CCDC126: variants seen among roughly 807,000 people sequenced by gnomAD.
CCDC126 encodes the protein coiled-coil domain-containing protein 126.
A neutral mutation model predicts 11.7 loss-of-function variants in CCDC126; 5 were observed. The observed-to-expected ratio is 0.43, with a 90% CI of 0.22 to 0.90. The LOEUF is 0.90. Ranked by LOEUF, CCDC126 falls within the 40% of genes least tolerant of loss-of-function variation. CCDC126 has a pLI of 0.27. For synonymous variants in CCDC126, 60 were observed against 61.9 expected (o/e 0.97, Z 0.14); for missense variants, 150 against 163.1 (o/e 0.92, Z 0.44).
intron 3 of CCDC126, among the ~76,000 whole-genome samples, chr7:23,634,963 T>C (rs568155270): frequency 1.3e-5 from 2 of 152,234 alleles, no homozygotes; most frequent in African/African-American, 4.8e-5. Flanking sequence ...AGAATCTTTT[T>C]ATACCCAATA....
At chr7:23,639,242 A>ATC (rs1230480216) in intron 3 of CCDC126, among the ~76,000 whole-genome samples, 5 of 142,714 alleles carry the variant, frequency 3.5e-5, no homozygotes, top group African/African-American at 1.3e-4. Flanking sequence ...CCCAGGCTGG[A>ATC]GTGCAGTGGC....
At chr7:23,604,684 A>T (rs991804168) in intron 2 of CCDC126, among the ~76,000 whole-genome samples, 6 of 152,154 alleles carry the variant, frequency 3.9e-5, no homozygotes, top group African/African-American at 1.2e-4. Flanking sequence ...GGTTTTAAAG[A>T]TATACTATAA....
chr7:23,617,439 G>A (rs962284860), intron 3 of CCDC126, among the ~76,000 whole-genome samples: 11 of 150,592 alleles, frequency 7.3e-5, no homozygotes, highest in African/African-American at 2.7e-4. Context: ...CTTTTCTGAA[G>A]CGTTTTTATG....
At chr7:23,606,812 C>T (rs911757946) in intron 2 of CCDC126, among the ~76,000 whole-genome samples, 4 of 152,078 alleles carry the variant, frequency 2.6e-5, no homozygotes, top group Admixed American at 2.6e-4. Flanking sequence ...CAGTGGCTCA[C>T]ACCTGCCATC....
In CCDC126 at chr7:23,614,673, T is replaced by C. The variant is rs187183839; in HGVS notation, c.238+3120T>C. ...AAAGTCCAAATGACTCCTTTATCGA[T>C]GGGCAGGAGAATGGATGTTGTGTTA... On this transcript the variant is annotated intron_variant, in intron 3 of 3. Coordinates refer to ENST00000307471, the MANE Select transcript of CCDC126 (RefSeq NM_138771.4). Among the ~76,000 whole-genome samples, 517 of 152,290 alleles carry C rather than the reference T, an allele frequency of 3.4e-3. 6 individuals are homozygous for C. Among genetic ancestry groups the C allele is most frequent in the African/African-American group, 0.012 (484 of 41,564 alleles).
chr7:23,642,900 A>T, intron 3 of CCDC126, 31 bp from the exon 4 acceptor site: 12 of 1,584,232 alleles, frequency 7.6e-6, no homozygotes, highest in Non-Finnish European at 1.0e-5. Flanking sequence ...AGCTCTATTA[A>T]TGTTAATTTT....
rs566468602 is a variant in CCDC126, at chr7:23,616,655, T to C, written c.238+5102T>C. On this transcript the variant is annotated intron_variant, in intron 3 of 3. Coordinates refer to ENST00000307471, the MANE Select transcript of CCDC126 (RefSeq NM_138771.4). The stretch of plus-strand genomic sequence containing the variant: ...ATCCCCCTAGGTTCCAGTGTTCTTT[T>C]TGAGAAGCTGATGCTCTTCTTTATC... 3.3e-5 allele frequency among the ~76,000 whole-genome samples: 5 copies of C among 152,316 alleles called. No individual in the cohort carries two copies. In the South Asian group the frequency reaches 1.0e-3, roughly 32 times the overall value.
intron 2 of CCDC126, among the ~76,000 whole-genome samples, chr7:23,599,598 A>G (rs1488027474): frequency 1.3e-5 from 2 of 151,848 alleles, no homozygotes; most frequent in African/African-American, 2.4e-5. Flanking sequence ...TTTGGGTTCA[A>G]GCAATTCTTG....
In CCDC126 at chr7:23,631,581, T is replaced by C. The variant is rs531736031; in HGVS notation, c.239-11350T>C. On this transcript the variant is annotated intron_variant, in intron 3 of 3. Transcript: ENST00000307471. ...TTCAAGACCAGCCTTACCAACATGCTGAAACCCTGTCTCTACTAAAAACAA... is the reference window on the plus strand; with the variant it reads ...TTCAAGACCAGCCTTACCAACATGCCGAAACCCTGTCTCTACTAAAAACAA... Among the ~76,000 whole-genome samples, 3 of 152,072 alleles carry C rather than the reference T, an allele frequency of 2.0e-5. No individual in the cohort carries two copies. The South Asian group carries it at 6.2e-4, about 32-fold the overall frequency.
chr7:23,600,303 T>C (rs2128013329), intron 2 of CCDC126, among the ~76,000 whole-genome samples: 1 of 151,830 alleles, frequency 6.6e-6, no homozygotes, highest in African/African-American at 2.4e-5. Context: ...AATTTTAGTG[T>C]AGCTTCTCTC....
chr7:23,636,332 A>C (rs1283337073), intron 3 of CCDC126, among the ~76,000 whole-genome samples: 2 of 148,102 alleles, frequency 1.4e-5, no homozygotes, highest in African/African-American at 2.5e-5. Flanking sequence ...ATCGTCTGGG[A>C]TATGAGGAGC....
chr7:23,639,863 TAAC>T (rs1783322452), intron 3 of CCDC126, among the ~76,000 whole-genome samples: 1 of 152,166 alleles, frequency 6.6e-6, no homozygotes, highest in Non-Finnish European at 1.5e-5. Context: ...AAAATATCGA[TAAC>T]AACATTTGCC....
chr7:23,642,808 A>G (rs374844620), intron 3 of CCDC126, 123 bp from the exon 4 acceptor site: 21 of 726,088 alleles, frequency 2.9e-5, no homozygotes, highest in East Asian at 2.7e-4. Context: ...GTATGAGTGC[A>G]TTCTCTCTAG....
Position 23,643,275 on chromosome 7 carries a change from TA to T in CCDC126, c.*165del, listed in dbSNP as rs1783398659. 1.6e-6 allele frequency: 1 copy of T among 620,832 alleles called. No homozygotes were observed. Among genetic ancestry groups the T allele is most frequent in the Admixed American group, 3.5e-5 (1 of 28,568 alleles). 38.5% of individuals were successfully genotyped at this position (620,832 alleles called of 1,614,324 possible). ...ATTCATGGAACTCTAATTCTGTACATAAAAATTTTAAAGTTATTTGTTTGCT... is the reference window on the plus strand; with the variant it reads ...ATTCATGGAACTCTAATTCTGTACATAAAATTTTAAAGTTATTTGTTTGCT... On this transcript the variant is annotated 3_prime_UTR_variant, in exon 4 of 4. Transcript: ENST00000307471.
At chr7:23,621,794 C>T (rs1033332459) in intron 3 of CCDC126, among the ~76,000 whole-genome samples, 6 of 152,064 alleles carry the variant, frequency 3.9e-5, no homozygotes, top group Non-Finnish European at 7.4e-5. Flanking sequence ...GCATGAAGGC[C>T]TGTTGAATTT....
intron 2 of CCDC126, among the ~76,000 whole-genome samples, chr7:23,605,489 G>A (rs1396561571): frequency 1.3e-5 from 2 of 151,774 alleles, no homozygotes; most frequent in African/African-American, 4.8e-5. Context: ...ACATTTAAGT[G>A]TACAGTTCAG....
At chr7:23,613,835 A>T (rs1158367015) in intron 3 of CCDC126, among the ~76,000 whole-genome samples, 1 of 152,252 alleles carries the variant, frequency 6.6e-6, no homozygotes, top group Non-Finnish European at 1.5e-5. Flanking sequence ...CAGTGCATAT[A>T]AAAGTTAAGT....
At chr7:23,640,536 A>C (rs560564720) in intron 3 of CCDC126, among the ~76,000 whole-genome samples, 1 of 152,252 alleles carries the variant, frequency 6.6e-6, no homozygotes, top group Admixed American at 6.5e-5. Flanking sequence ...CAATTCATCA[A>C]TATTCATTAT....
chr7:23,608,540 C>T (rs1226996991), intron 2 of CCDC126, among the ~76,000 whole-genome samples: 1 of 152,042 alleles, frequency 6.6e-6, no homozygotes, highest in Admixed American at 6.5e-5. Context: ...TATGTGTGGT[C>T]AGAACGATTC....
Sources: gnomAD v4.1 joint callset for allele counts (sites outside exome capture counted in the v4.1 genomes callset) on GRCh38, gnomAD v4.1.1 for gene constraint, MANE v1.5 for transcripts, NCBI Gene and HGNC (gene_info 2026-07-23, HGNC 2026-07-21) for gene names.